GPR39: variants seen among roughly 807,000 people sequenced by gnomAD.
GPR39 encodes the protein zinc sensing receptor.
Under a neutral mutation model 18.4 loss-of-function variants are expected in GPR39, and 23 were observed. The observed-to-expected ratio is 1.25, with a 90% confidence interval of 0.90 to 1.77. GPR39 has a LOEUF of 1.77. Ranked by LOEUF, GPR39 falls within the 40% of genes most tolerant of loss-of-function variation. GPR39 has a pLI of 0.00. For missense variants in GPR39, 647 were observed against 602.4 expected, an observed-to-expected ratio of 1.07 and a Z score of -0.78; for synonymous variants, 280 against 257.9, an observed-to-expected ratio of 1.09 and a Z score of -0.82.
At chr2:132,590,974 G>A (rs541906341) in intron 1 of GPR39, among the ~76,000 whole-genome samples, 88 of 152,058 alleles carry the variant, frequency 5.8e-4, no homozygotes, top group Middle Eastern at 3.4e-3. Context: ...GGAACAGGCC[G>A]GGCGCGGTGG....
At chr2:132,420,346 G>A (rs1432436897) in intron 1 of GPR39, among the ~76,000 whole-genome samples, 1 of 152,144 alleles carries the variant, frequency 6.6e-6, no homozygotes, top group Non-Finnish European at 1.5e-5. Context: ...ATTAACTCAA[G>A]TTAGGAAATA....
At chr2:132,549,769 A>G (rs112825904) in intron 1 of GPR39, among the ~76,000 whole-genome samples, 7,069 of 152,204 alleles carry the variant, frequency 0.046, 228 homozygotes, top group South Asian at 0.087. Flanking sequence ...ATCCGGTGAC[A>G]GAGCACGACT....
intron 1 of GPR39, among the ~76,000 whole-genome samples, chr2:132,420,552 G>A (rs974616862): frequency 2.6e-5 from 4 of 152,086 alleles, no homozygotes; most frequent in Non-Finnish European, 5.9e-5. Flanking sequence ...TTTCACAGAT[G>A]GGTCAAATTA....
chr2:132,596,409 C>T (rs1680949979), intron 1 of GPR39, among the ~76,000 whole-genome samples: 1 of 151,820 alleles, frequency 6.6e-6, no homozygotes, highest in South Asian at 2.1e-4. Context: ...TGTTCTTCCT[C>T]TTCTTTCACC....
chr2:132,549,843 A>G (rs1171000116), intron 1 of GPR39, among the ~76,000 whole-genome samples: 1 of 152,224 alleles, frequency 6.6e-6, no homozygotes, highest in Non-Finnish European at 1.5e-5. Context: ...AATCTCATAT[A>G]ACGAATGGCC....
chr2:132,464,887 G>C (rs1484219034), intron 1 of GPR39, among the ~76,000 whole-genome samples: 1 of 152,138 alleles, frequency 6.6e-6, no homozygotes, highest in Non-Finnish European at 1.5e-5. Flanking sequence ...ATGAAGATGG[G>C]AGCCAATTCC....
intron 1 of GPR39, among the ~76,000 whole-genome samples, chr2:132,545,735 A>G (rs1573658506): frequency 1.3e-5 from 2 of 152,104 alleles, no homozygotes; most frequent in South Asian, 2.1e-4. Flanking sequence ...GCACCAAAGA[A>G]TCAACTGGAG....
At chr2:132,557,300 A>G (rs1400823840) in intron 1 of GPR39, among the ~76,000 whole-genome samples, 2 of 152,184 alleles carry the variant, frequency 1.3e-5, no homozygotes, top group Non-Finnish European at 2.9e-5. Flanking sequence ...CCTGGGCAAC[A>G]GAATGAGACT....
At chr2:132,533,997 C>A (rs6740534) in intron 1 of GPR39, among the ~76,000 whole-genome samples, 2 of 152,170 alleles carry the variant, frequency 1.3e-5, no homozygotes, top group Non-Finnish European at 2.9e-5. Context: ...CAGATGGGAT[C>A]TAATTAAACT....
intron 1 of GPR39, among the ~76,000 whole-genome samples, chr2:132,543,631 T>C (rs1264432750): frequency 1.3e-5 from 2 of 152,216 alleles, no homozygotes; most frequent in South Asian, 2.1e-4. Flanking sequence ...GTGCGTGTTA[T>C]CTGGGTTGGG....
intron 1 of GPR39, among the ~76,000 whole-genome samples, chr2:132,530,585 G>A (rs778849560): frequency 6.6e-6 from 1 of 152,200 alleles, no homozygotes; most frequent in Non-Finnish European, 1.5e-5. Flanking sequence ...AGGAAAAAAT[G>A]TTAAGGGCAG....
intron 1 of GPR39, among the ~76,000 whole-genome samples, chr2:132,598,669 C>T (rs1187114614): frequency 6.6e-6 from 1 of 151,918 alleles, no homozygotes; most frequent in African/African-American, 2.4e-5. Flanking sequence ...GGAAAAGTTC[C>T]ACAAGCATCC....
At chr2:132,447,754 A>T (rs1483766826) in intron 1 of GPR39, among the ~76,000 whole-genome samples, 1 of 152,232 alleles carries the variant, frequency 6.6e-6, no homozygotes, top group African/African-American at 2.4e-5. Context: ...ATTCATTTTT[A>T]AAAACTTTAG....
chr2:132,602,885 A>AAC (rs1553459505), intron 1 of GPR39, among the ~76,000 whole-genome samples: 3 of 151,440 alleles, frequency 2.0e-5, no homozygotes, highest in African/African-American at 7.3e-5. Flanking sequence ...AAAAAAAAAA[A>AAC]CAAATGCTAG....
At chr2:132,592,780 A>G (rs1231523647) in intron 1 of GPR39, among the ~76,000 whole-genome samples, 1 of 152,176 alleles carries the variant, frequency 6.6e-6, no homozygotes, top group African/African-American at 2.4e-5. Flanking sequence ...AGCCAGCAGA[A>G]TTTCTTGGAT....
chr2:132,609,566 C>T (rs778820770), intron 1 of GPR39, among the ~76,000 whole-genome samples: 1 of 152,098 alleles, frequency 6.6e-6, no homozygotes, highest in African/African-American at 2.4e-5. Flanking sequence ...TGCAAAGGCC[C>T]CTTGCAGCCT....
chr2:132,568,041 G>T (rs756541524), intron 1 of GPR39, among the ~76,000 whole-genome samples: 3 of 152,052 alleles, frequency 2.0e-5, no homozygotes, highest in Non-Finnish European at 4.4e-5. Flanking sequence ...ATCTGCTGGT[G>T]ACACTGGTTC....
chr2:132,541,258 A>G (rs2104785729), intron 1 of GPR39, among the ~76,000 whole-genome samples: 1 of 152,008 alleles, frequency 6.6e-6, no homozygotes, highest in Admixed American at 6.5e-5. Flanking sequence ...TAATTTTTGT[A>G]TTTTTAGTAG....
chr2:132,437,308 C>A lies in GPR39; in HGVS notation c.856+19410C>A, dbSNP rs1214343526. Among the ~76,000 whole-genome samples the A allele has an allele frequency of 2.6e-5, 4 of 152,158 alleles. No individual in the cohort carries two copies. In the South Asian group the frequency reaches 8.3e-4, roughly 32 times the overall value. On this transcript the variant is annotated intron_variant, in intron 1 of 1. Transcript: ENST00000329321. ...CATTAACGAAAATGCCAATCTGAAG[C>A]CAGTAAACTGAGTTTATGATCATGA... is the stretch of plus-strand genomic sequence containing the variant.
Sources: allele counts gnomAD v4.1 joint callset (sites outside exome capture counted in the v4.1 genomes callset), GRCh38; gene constraint gnomAD v4.1.1; transcripts MANE v1.5; gene names NCBI Gene and HGNC (gene_info 2026-07-23, HGNC 2026-07-21).